Variants in SGCZ observed in about 807,000 individuals in gnomAD.
SGCZ encodes sarcoglycan zeta, also known as zeta-sarcoglycan.
In SGCZ, 40 loss-of-function variants were observed where a neutral mutation model predicts 41.3. That is an observed-to-expected ratio of 0.97 (90% CI 0.75 to 1.26). SGCZ has a LOEUF of 1.26. SGCZ is among the 50% of genes most tolerant of loss of function. The pLI, the probability that SGCZ is intolerant of heterozygous loss-of-function variation, is 0.00. For missense variants in SGCZ, 552 were observed against 369.8 expected (o/e 1.49, Z -4.04); for synonymous variants, 206 against 137.5 (o/e 1.50, Z -3.49).
intron 1 of SGCZ, among the ~76,000 whole-genome samples, chr8:14,992,026 TCTACTCC>T (rs1159460549): frequency 6.8e-6 from 1 of 147,840 alleles, no homozygotes; most frequent in East Asian, 2.1e-4. Context: ...CCTCATTCAA[TCTACTCC>T]CAAATCTACT....
intron 1 of SGCZ, among the ~76,000 whole-genome samples, chr8:15,055,613 C>A (rs1336758244): frequency 6.6e-6 from 1 of 152,182 alleles, no homozygotes; most frequent in African/African-American, 2.4e-5. Flanking sequence ...GAGCCTGGGA[C>A]CCCCTTTGCC....
At chr8:14,458,894 A>C (rs1348265935) in intron 2 of SGCZ, among the ~76,000 whole-genome samples, 2 of 152,112 alleles carry the variant, frequency 1.3e-5, no homozygotes. Flanking sequence ...GAAGTTGCTG[A>C]TCGAGACCTA....
chr8:14,112,212 G>A (rs942885913), intron 5 of SGCZ, among the ~76,000 whole-genome samples: 1 of 148,800 alleles, frequency 6.7e-6, no homozygotes, highest in Non-Finnish European at 1.5e-5. Flanking sequence ...TGCCAAATGA[G>A]AACTTTTGCT....
chr8:15,091,096 C>T (rs1258816804), intron 1 of SGCZ, among the ~76,000 whole-genome samples: 1 of 152,184 alleles, frequency 6.6e-6, no homozygotes, highest in Non-Finnish European at 1.5e-5. Context: ...CACAGACATA[C>T]TTGAACTGGT....
intron 1 of SGCZ, among the ~76,000 whole-genome samples, chr8:14,985,289 T>C (rs1563411787): frequency 6.6e-6 from 1 of 152,136 alleles, no homozygotes; most frequent in South Asian, 2.1e-4. Flanking sequence ...TCATAAAATG[T>C]CACTGAAGCT....
chr8:14,322,771 A>G (rs1032798954), intron 3 of SGCZ, among the ~76,000 whole-genome samples: 3 of 152,106 alleles, frequency 2.0e-5, no homozygotes, highest in Non-Finnish European at 4.4e-5. Flanking sequence ...ATTTCCATGT[A>G]TAAGTTTTCA....
chr8:14,848,539 G>C (rs1223056872), intron 1 of SGCZ, among the ~76,000 whole-genome samples: 1 of 152,160 alleles, frequency 6.6e-6, no homozygotes, highest in African/African-American at 2.4e-5. Flanking sequence ...AGACAGATTA[G>C]ATATAGACCC....
intron 3 of SGCZ, among the ~76,000 whole-genome samples, chr8:14,271,272 G>A (rs368076883): frequency 2.0e-5 from 3 of 151,844 alleles, no homozygotes; most frequent in African/African-American, 7.3e-5. Context: ...TGTGAATCGT[G>A]TTCTTTAGAA....
chr8:14,954,110 T>A (rs1265724685), intron 1 of SGCZ, among the ~76,000 whole-genome samples: 2 of 152,210 alleles, frequency 1.3e-5, no homozygotes, highest in South Asian at 4.1e-4. Flanking sequence ...AACAATAACT[T>A]CATTCTATCA....
At chr8:14,438,452 A>C (rs567828606) in intron 2 of SGCZ, among the ~76,000 whole-genome samples, 2 of 152,128 alleles carry the variant, frequency 1.3e-5, no homozygotes, top group Admixed American at 1.3e-4. Context: ...AGAGAAAATT[A>C]ATATTATGCC....
At chr8:14,107,086 G>A (rs1802227229) in intron 6 of SGCZ, among the ~76,000 whole-genome samples, 1 of 151,944 alleles carries the variant, frequency 6.6e-6, no homozygotes, top group South Asian at 2.1e-4. Flanking sequence ...CACAATGGCG[G>A]GCGCCTGTAG....
At chr8:14,273,980 A>G (rs900465542) in intron 3 of SGCZ, among the ~76,000 whole-genome samples, 29 of 152,140 alleles carry the variant, frequency 1.9e-4, no homozygotes, top group African/African-American at 7.0e-4. Flanking sequence ...CATTCAGACA[A>G]ATGGTCTCCT....
intron 1 of SGCZ, among the ~76,000 whole-genome samples, chr8:15,199,815 T>C (rs1800839307): frequency 1.3e-5 from 2 of 152,164 alleles, no homozygotes; most frequent in African/African-American, 4.8e-5. Context: ...CTATACTGTA[T>C]TAAACCTTTG....
At chr8:14,540,220 ATTTTTTTTTTTT>A (rs11428713) in intron 2 of SGCZ, among the ~76,000 whole-genome samples, 1 of 48,714 alleles carries the variant, frequency 2.1e-5, no homozygotes, top group East Asian at 6.5e-4. Flanking sequence ...TCTCTGCTTA[ATTTTTTTTTTTT>A]TTTTTTTTTT....
chr8:14,582,782 G>C (rs1294487168), intron 1 of SGCZ, among the ~76,000 whole-genome samples: 5 of 150,376 alleles, frequency 3.3e-5, no homozygotes, highest in Non-Finnish European at 7.4e-5. Context: ...CCTTGCGATA[G>C]TTTACTGAGA....
intron 1 of SGCZ, among the ~76,000 whole-genome samples, chr8:14,894,896 T>G (rs1805138042): frequency 6.6e-6 from 1 of 152,046 alleles, no homozygotes; most frequent in South Asian, 2.1e-4. Context: ...TGCTACAGAA[T>G]GAAGGAAAAC....
At chr8:14,510,012 T>C (rs998789141) in intron 2 of SGCZ, among the ~76,000 whole-genome samples, 2 of 152,056 alleles carry the variant, frequency 1.3e-5, no homozygotes, top group Non-Finnish European at 1.5e-5. Context: ...CAATTTGAGA[T>C]GACATTTGGG....
chr8:14,926,554 T>C (rs1046359467), intron 1 of SGCZ, among the ~76,000 whole-genome samples: 37 of 152,174 alleles, frequency 2.4e-4, no homozygotes, highest in African/African-American at 8.9e-4. Context: ...CCTGATTTCT[T>C]GGGGTTATAT....
chr8:15,080,805 G>A (rs1805717665), intron 1 of SGCZ, among the ~76,000 whole-genome samples: 1 of 152,022 alleles, frequency 6.6e-6, no homozygotes. Flanking sequence ...TGTTGGCCAG[G>A]CTGGTCTCGA....
Sources: gnomAD v4.1 joint callset for allele counts (sites outside exome capture counted in the v4.1 genomes callset) on GRCh38, gnomAD v4.1.1 for gene constraint, MANE v1.5 for transcripts, NCBI Gene and HGNC (gene_info 2026-07-23, HGNC 2026-07-21) for gene names.